DTNA: variants seen among roughly 807,000 people sequenced by gnomAD.
DTNA encodes dystrophin-related protein 3.
DTNA carries 43 observed loss-of-function variants against 100.7 expected under a neutral mutation model. The observed-to-expected ratio is 0.43, with a 90% CI of 0.33 to 0.55. The LOEUF (loss-of-function observed/expected upper bound fraction) is 0.55. Among genes scored for constraint, DTNA ranks in the 20% least tolerant of loss-of-function variants. The probability of loss-of-function intolerance (pLI) is 0.04; values close to 1 mark genes in which losing one functional copy is unlikely to be tolerated. For synonymous variants in DTNA, 349 were observed against 347.9 expected, an observed-to-expected ratio of 1.00 and a Z score of -0.04; for missense variants, 798 against 953.9, an observed-to-expected ratio of 0.84 and a Z score of 2.15.
intron 2 of DTNA, among the ~76,000 whole-genome samples, chr18:34,756,844 A>G (rs1283033968): frequency 2.6e-5 from 4 of 152,156 alleles, no homozygotes; most frequent in Non-Finnish European, 4.4e-5. Context: ...TAAAGGAAAA[A>G]GCATGGTTCT....
intron 1 of DTNA, chr18:34,504,287 T>G (rs771619812): frequency 1.1e-4 from 16 of 152,200 alleles, no homozygotes; most frequent in Non-Finnish European, 2.1e-4. Flanking sequence ...CGTACCTCCC[T>G]TTACAGCCTC....
At chr18:34,848,933 G>A (rs1321806218) in intron 14 of DTNA, among the ~76,000 whole-genome samples, 1 of 152,208 alleles carries the variant, frequency 6.6e-6, no homozygotes, top group African/African-American at 2.4e-5. Context: ...AGCAAGTGAG[G>A]AAGCTGTTGC....
rs1350538332 is a variant in DTNA at position 34,888,161 on chromosome 18, T to C, written c.*427T>C. The stretch of plus-strand genomic sequence containing the variant: ...CATTTTAAACCTTTGCACATGATAT[T>C]GAACCTGTTCAGTTTACAATGACAA... On this transcript the variant is annotated 3_prime_UTR_variant, in exon 23 of 23. Coordinates refer to ENST00000444659, the MANE Select transcript of DTNA (RefSeq NM_001386795.1). 1 of 985,784 alleles carries C rather than the reference T, an allele frequency of 1.0e-6. No homozygotes were observed. Among genetic ancestry groups the C allele is most frequent in the Non-Finnish European group, 1.2e-6 (1 of 829,942 alleles). 61.1% of individuals were successfully genotyped at this position (985,784 alleles called of 1,614,324 possible).
At chr18:34,592,390 G>T (rs781575448) in intron 1 of DTNA, among the ~76,000 whole-genome samples, 7 of 151,466 alleles carry the variant, frequency 4.6e-5, no homozygotes, top group Non-Finnish European at 8.8e-5. Flanking sequence ...ATTCATGTCA[G>T]TCTCTATTTG....
chr18:34,595,213 A>G (rs2469894), intron 1 of DTNA, among the ~76,000 whole-genome samples: 1 of 152,280 alleles, frequency 6.6e-6, no homozygotes, highest in African/African-American at 2.4e-5. Context: ...AGGTGCTTCC[A>G]AGAAGTTTGT....
In DTNA at chr18:34,827,620, C is replaced by T. The variant is rs2095890046; in HGVS notation, c.1029C>T (p.Asn343=). Residue 343 remains asparagine (N), a synonymous_variant, in exon 10 of 23, where the codon AAC becomes AAT. Coordinates refer to ENST00000444659, the MANE Select transcript of DTNA (RefSeq NM_001386795.1). ...IVPPRPVTSM[N]DTLFSHSVPS... ...CTCCCAGACCTGTAACCAGCATGAA[C>T]GACACCCTGTTCTCCCACTCTGTTC... is the stretch of plus-strand genomic sequence containing the variant. The T allele has an allele frequency of 6.2e-6, 10 of 1,613,866 alleles. No individual in the cohort carries two copies. The highest frequency in any genetic ancestry group is 7.6e-6 in the Non-Finnish European group (9 of 1,179,808).
At chr18:34,775,026 T>C (rs1452522134) in intron 3 of DTNA, among the ~76,000 whole-genome samples, 1 of 152,216 alleles carries the variant, frequency 6.6e-6, no homozygotes, top group African/African-American at 2.4e-5. Context: ...CTAAAATGGC[T>C]CCTAAAACTT....
At chr18:34,789,451 G>C (rs1012446179) in intron 3 of DTNA, among the ~76,000 whole-genome samples, 3 of 152,168 alleles carry the variant, frequency 2.0e-5, no homozygotes, top group African/African-American at 7.2e-5. Flanking sequence ...ACCTTATCTT[G>C]TTCTGGCCCA....
chr18:34,745,194 T>TATTCTC (rs1258408710), intron 1 of DTNA, among the ~76,000 whole-genome samples: 1 of 152,064 alleles, frequency 6.6e-6, no homozygotes, highest in African/African-American at 2.4e-5. Context: ...GAAAACAATA[T>TATTCTC]ATTCTCCTGC....
At chr18:34,590,721 C>T (rs1049708097) in intron 1 of DTNA, among the ~76,000 whole-genome samples, 5 of 152,194 alleles carry the variant, frequency 3.3e-5, no homozygotes. Flanking sequence ...TCTTTGGAAG[C>T]AAGCCCTAGA....
intron 1 of DTNA, among the ~76,000 whole-genome samples, chr18:34,685,027 G>A (rs990200964): frequency 6.6e-6 from 1 of 152,108 alleles, no homozygotes; most frequent in African/African-American, 2.4e-5. Flanking sequence ...TAAGTTCCTT[G>A]TAGATTCTGG....
At chr18:34,696,606 G>C (rs749812836) in intron 1 of DTNA, among the ~76,000 whole-genome samples, 2 of 151,954 alleles carry the variant, frequency 1.3e-5, no homozygotes, top group Non-Finnish European at 2.9e-5. Context: ...ATAAGGTAAA[G>C]GAATGGCAGC....
chr18:34,551,752 C>T (rs888050049), intron 1 of DTNA, among the ~76,000 whole-genome samples: 88 of 152,108 alleles, frequency 5.8e-4, no homozygotes, highest in African/African-American at 2.1e-3. Context: ...GTCCTGAATG[C>T]CATTTAAAAA....
At chr18:34,563,653 T>C (rs2046834688) in intron 1 of DTNA, among the ~76,000 whole-genome samples, 1 of 152,196 alleles carries the variant, frequency 6.6e-6, no homozygotes, top group Non-Finnish European at 1.5e-5. Context: ...CCCCACACAT[T>C]TGTTTGTTGG....
chr18:34,721,157 A>G (rs1256726941), intron 1 of DTNA, among the ~76,000 whole-genome samples: 1 of 152,156 alleles, frequency 6.6e-6, no homozygotes, highest in Non-Finnish European at 1.5e-5. Flanking sequence ...GCAAAGCACA[A>G]ATTTTAATTT....
At chr18:34,762,403 G>T (rs1034095409) in intron 2 of DTNA, among the ~76,000 whole-genome samples, 1 of 152,144 alleles carries the variant, frequency 6.6e-6, no homozygotes, top group Non-Finnish European at 1.5e-5. Flanking sequence ...TTGGAGGAAG[G>T]CGTCTAGTAG....
chr18:34,691,396 G>A (rs2079740400), intron 1 of DTNA, among the ~76,000 whole-genome samples: 1 of 152,138 alleles, frequency 6.6e-6, no homozygotes, highest in Non-Finnish European at 1.5e-5. Flanking sequence ...ACCTCTCTGA[G>A]CGTCAGTTGA....
chr18:34,640,155 T>C (rs758365728), intron 1 of DTNA, among the ~76,000 whole-genome samples: 25 of 152,256 alleles, frequency 1.6e-4, no homozygotes, highest in Admixed American at 3.9e-4. Context: ...TAATGCTTTT[T>C]ATATTTTCAT....
At chr18:34,810,834 C>T (rs1239558689) in intron 5 of DTNA, among the ~76,000 whole-genome samples, 2 of 152,112 alleles carry the variant, frequency 1.3e-5, no homozygotes, top group Non-Finnish European at 2.9e-5. Context: ...AATTTTTTTA[C>T]TCAGATAGAA....
Sources: allele counts gnomAD v4.1 joint callset (sites outside exome capture counted in the v4.1 genomes callset), GRCh38; gene constraint gnomAD v4.1.1; transcripts MANE v1.5; gene names NCBI Gene and HGNC (gene_info 2026-07-23, HGNC 2026-07-21).